The following RBFOX1 variants were observed in gnomAD, a reference collection of about 807,000 sequenced individuals.
RBFOX1 encodes the protein RNA binding fox-1 homolog 1, also known as RNA binding protein fox-1 homolog 1.
In RBFOX1, 8 loss-of-function variants were observed where a neutral mutation model predicts 57.7. The ratio of observed to expected loss-of-function variants is 0.14; its 90% CI spans 0.08 to 0.25. The LOEUF (loss-of-function observed/expected upper bound fraction) is 0.25, where lower values mean the gene tolerates loss of function less well. Ranked by LOEUF, RBFOX1 falls within the 10% of genes least tolerant of loss-of-function variation. The pLI, the probability that RBFOX1 is intolerant of heterozygous loss-of-function variation, is 1.00. For missense variants in RBFOX1, 611 were observed against 548.5 expected, an observed-to-expected ratio of 1.11 and a Z score of -1.14; for synonymous variants, 326 against 222.4, an observed-to-expected ratio of 1.47 and a Z score of -4.15.
chr16:5,641,507 G>T (rs962013664), intron 3 of RBFOX1, among the ~76,000 whole-genome samples: 2 of 152,226 alleles, frequency 1.3e-5, no homozygotes, highest in Admixed American at 6.5e-5. Context: ...AGAGATAGCT[G>T]TTACTCAGGT....
chr16:7,258,835 A>G (rs2094803624), intron 4 of RBFOX1, among the ~76,000 whole-genome samples: 1 of 152,174 alleles, frequency 6.6e-6, no homozygotes, highest in South Asian at 2.1e-4. Flanking sequence ...TGAATTTACA[A>G]GTAAGAGACC....
In RBFOX1 at chr16:5,424,922, T is replaced by C. The variant is rs1352945545; in HGVS notation, c.220-42294T>C. Among the ~76,000 whole-genome samples, 58 of 124,446 alleles carry C rather than the reference T, an allele frequency of 4.7e-4. 1 individual carries two copies. Among genetic ancestry groups the C allele is most frequent in the Non-Finnish European group, 6.6e-4 (40 of 60,908 alleles). 81.6% of individuals were successfully genotyped at this position (124,446 alleles called of 152,430 possible). On this transcript the variant is annotated intron_variant, in intron 1 of 2. Transcript: ENST00000585867. ...TTCTTTCTTTCTTTCTTTCTTTCTT[T>C]CTTTCTTTCTTTCTCTCTCTTCTTT...
chr16:7,702,859 G>T (rs938763819), intron 14 of RBFOX1, among the ~76,000 whole-genome samples: 1 of 151,888 alleles, frequency 6.6e-6, no homozygotes, highest in African/African-American at 2.4e-5. Context: ...TTTTCATTTG[G>T]AAAAGTCCTC....
At chr16:6,596,613 C>T (rs2097779084) in intron 2 of RBFOX1, among the ~76,000 whole-genome samples, 1 of 143,236 alleles carries the variant, frequency 7.0e-6, no homozygotes, top group African/African-American at 3.0e-5. Context: ...ATAAAAGTCT[C>T]AGCTGGAAAA....
At chr16:5,355,792 C>T (rs975093582) in intron 1 of RBFOX1, among the ~76,000 whole-genome samples, 1 of 152,072 alleles carries the variant, frequency 6.6e-6, no homozygotes, top group Non-Finnish European at 1.5e-5. Flanking sequence ...ATCTAGTGTC[C>T]TTAAAAGAAG....
chr16:6,149,538 G>T (rs1038445823), intron 1 of RBFOX1, among the ~76,000 whole-genome samples: 1 of 152,166 alleles, frequency 6.6e-6, no homozygotes. Context: ...TCTGCAGCTG[G>T]TGCTGACTGG....
chr16:5,348,185 T>G (rs1365476489), intron 1 of RBFOX1, among the ~76,000 whole-genome samples: 3 of 150,648 alleles, frequency 2.0e-5, no homozygotes, highest in African/African-American at 4.9e-5. Flanking sequence ...CACTCAATAA[T>G]CTACTCTTCC....
chr16:7,512,095 C>A (rs1356068666), intron 4 of RBFOX1, among the ~76,000 whole-genome samples: 1 of 152,150 alleles, frequency 6.6e-6, no homozygotes, highest in African/African-American at 2.4e-5. Context: ...CTGATCATTC[C>A]ACTTATTTAG....
chr16:5,337,112 G>A (rs548764431), intron 1 of RBFOX1, among the ~76,000 whole-genome samples: 4 of 152,154 alleles, frequency 2.6e-5, no homozygotes, highest in Non-Finnish European at 4.4e-5. Context: ...TGGCCGGCTG[G>A]GGACGGCTGC....
chr16:5,524,344 G>C (rs925903644), intron 2 of RBFOX1, among the ~76,000 whole-genome samples: 4 of 152,192 alleles, frequency 2.6e-5, no homozygotes, highest in Non-Finnish European at 5.9e-5. Context: ...TTTGGGTTAA[G>C]CATTGCCTTC....
chr16:5,365,142 C>A (rs544906334), intron 1 of RBFOX1, among the ~76,000 whole-genome samples: 1 of 152,100 alleles, frequency 6.6e-6, no homozygotes, highest in Non-Finnish European at 1.5e-5. Flanking sequence ...TGGTGGACTC[C>A]GGAGGCTGGC....
chr16:5,424,859 C>G (rs561577538), intron 1 of RBFOX1, among the ~76,000 whole-genome samples: 2 of 143,120 alleles, frequency 1.4e-5, no homozygotes, highest in African/African-American at 2.8e-5. Flanking sequence ...CTCTCTCTCT[C>G]TTCTTTCTTT....
chr16:6,596,516 C>G (rs902674150), intron 2 of RBFOX1, among the ~76,000 whole-genome samples: 4 of 152,154 alleles, frequency 2.6e-5, no homozygotes, highest in African/African-American at 7.2e-5. Flanking sequence ...GGGTCCCACT[C>G]CTGTGTTCCT....
intron 2 of RBFOX1, among the ~76,000 whole-genome samples, chr16:6,338,914 A>G (rs796287718): frequency 1.6e-4 from 25 of 152,316 alleles, no homozygotes; most frequent in African/African-American, 5.8e-4. Context: ...CATTCTCATA[A>G]TGCAGGAGAA....
At chr16:6,246,801 G>C (rs1299564642) in intron 1 of RBFOX1, among the ~76,000 whole-genome samples, 1 of 152,162 alleles carries the variant, frequency 6.6e-6, no homozygotes, top group Non-Finnish European at 1.5e-5. Flanking sequence ...GGGCATTGTG[G>C]CTCACGCCTA....
At chr16:6,098,039 G>A (rs1338891552) in intron 1 of RBFOX1, among the ~76,000 whole-genome samples, 4 of 152,178 alleles carry the variant, frequency 2.6e-5, no homozygotes. Flanking sequence ...ACTTGGCATA[G>A]CAAGGGGTTA....
chr16:6,955,349 C>T (rs1234018909), intron 3 of RBFOX1, among the ~76,000 whole-genome samples: 2 of 14,348 alleles, frequency 1.4e-4, no homozygotes, highest in Non-Finnish European at 2.8e-4. Context: ...CCCACATATG[C>T]ACACACACAC....
chr16:6,689,105 C>T (rs2059860516), intron 3 of RBFOX1, among the ~76,000 whole-genome samples: 1 of 152,132 alleles, frequency 6.6e-6, no homozygotes, highest in East Asian at 1.9e-4. Flanking sequence ...CATACATGTG[C>T]ATATGTCTTT....
intron 3 of RBFOX1, among the ~76,000 whole-genome samples, chr16:6,989,427 A>G (rs953345467): frequency 6.6e-5 from 10 of 152,200 alleles, no homozygotes; most frequent in East Asian, 1.9e-4. Flanking sequence ...TAACGGTGCA[A>G]TTAGAACTTT....
Sources: allele counts gnomAD v4.1 joint callset (sites outside exome capture counted in the v4.1 genomes callset), GRCh38; gene constraint gnomAD v4.1.1; transcripts MANE v1.5; gene names NCBI Gene and HGNC (gene_info 2026-07-23, HGNC 2026-07-21).